ASIC2: variants seen among roughly 807,000 people sequenced by gnomAD.
ASIC2 encodes acid sensing ion channel subunit 2.
A neutral mutation model predicts 57.3 loss-of-function variants in ASIC2; 25 were observed. The ratio of observed to expected loss-of-function variants is 0.44; its 90% CI spans 0.32 to 0.61. The LOEUF (loss-of-function observed/expected upper bound fraction) is 0.61. Ranked by LOEUF, ASIC2 falls within the 20% of genes least tolerant of loss-of-function variation. The probability of loss-of-function intolerance (pLI) is 0.06; values close to 1 mark genes in which losing one functional copy is unlikely to be tolerated. For synonymous variants in ASIC2, 319 were observed against 307.5 expected (o/e 1.04, Z -0.39); for missense variants, 641 against 738.1 (o/e 0.87, Z 1.52).
At chr17:33,053,903 G>A (rs951891247) in intron 3 of ASIC2, among the ~76,000 whole-genome samples, 7 of 152,148 alleles carry the variant, frequency 4.6e-5, no homozygotes, top group Admixed American at 4.6e-4. Context: ...TGAAGCAAGC[G>A]TTTCTGATTG....
chr17:33,694,428 G>T (rs1908466432), intron 1 of ASIC2, among the ~76,000 whole-genome samples: 1 of 152,122 alleles, frequency 6.6e-6, no homozygotes, highest in African/African-American at 2.4e-5. Flanking sequence ...TTCCAGTCAG[G>T]CTGAACTTCT....
intron 1 of ASIC2, among the ~76,000 whole-genome samples, chr17:33,239,611 A>G (rs1908430044): frequency 6.6e-6 from 1 of 152,210 alleles, no homozygotes; most frequent in Non-Finnish European, 1.5e-5. Context: ...ATAAATGAGG[A>G]TTCTTAAGAT....
At chr17:34,039,112 T>G in intron 1 of ASIC2, 2 of 1,614,114 alleles carry the variant, frequency 1.2e-6, no homozygotes, top group East Asian at 4.5e-5. Flanking sequence ...CTCTAGCATC[T>G]TTTGCTGTTC....
In ASIC2 at chr17:33,291,451, C is replaced by G. The variant is rs1472123684; in HGVS notation, c.665G>C (p.Cys222Ser). 6.2e-7 allele frequency: 1 copy of G among 1,610,826 alleles called. No homozygotes were observed. The highest frequency in any genetic ancestry group is 8.5e-7 in the Non-Finnish European group (1 of 1,179,052). Residue 222 changes from cysteine to serine, a missense_variant, in exon 1 of 10, where the codon TGC (cysteine) becomes TCC (serine). Cys to Ser is a moderately radical substitution (Grantham distance 112). Around this residue, in one of 3 missense-constraint regions of ASIC2, gnomAD observed 382 missense variants for 398.0 expected, o/e 0.96. Coordinates refer to ENST00000225823, the MANE Select transcript of ASIC2 (RefSeq NM_183377.2). ...GHQLEDMLLSCKYRGELCGPH... is the reference protein window; with the variant it reads ...GHQLEDMLLSSKYRGELCGPH... The stretch of plus-strand genomic sequence containing the variant: ...CCCGCAGAGCTCGCCGCGGTACTTG[C>G]AGGAGAGCAGCATGTCCTCCAGCTG...
At chr17:33,237,768 T>C (rs1285907035) in intron 1 of ASIC2, among the ~76,000 whole-genome samples, 1 of 152,228 alleles carries the variant, frequency 6.6e-6, no homozygotes, top group African/African-American at 2.4e-5. Context: ...GGGTGGATAC[T>C]GCACTATTAG....
intron 1 of ASIC2, among the ~76,000 whole-genome samples, chr17:33,626,171 T>C (rs1272774005): frequency 1.3e-5 from 2 of 152,184 alleles, no homozygotes; most frequent in Non-Finnish European, 2.9e-5. Flanking sequence ...CTTTGTTAAC[T>C]TAAGGAGCTT....
intron 1 of ASIC2, among the ~76,000 whole-genome samples, chr17:33,855,665 G>A (rs1913905691): frequency 6.6e-6 from 1 of 151,996 alleles, no homozygotes; most frequent in African/African-American, 2.4e-5. Context: ...GATGACGATG[G>A]GGATGATAAT....
intron 1 of ASIC2, among the ~76,000 whole-genome samples, chr17:33,762,581 T>C (rs1910817617): frequency 6.6e-6 from 1 of 152,112 alleles, no homozygotes; most frequent in South Asian, 2.1e-4. Context: ...AGAGACACAG[T>C]CTATAACCAT....
At chr17:34,155,804 C>A in intron 1 of ASIC2, 3 of 691,128 alleles carry the variant, frequency 4.3e-6, no homozygotes, top group African/African-American at 1.8e-5. Context: ...TGGCCGGTAG[C>A]CTTCCCTGCA....
At chr17:33,852,377 G>C (rs867637262) in intron 1 of ASIC2, among the ~76,000 whole-genome samples, 4 of 152,198 alleles carry the variant, frequency 2.6e-5, no homozygotes, top group Middle Eastern at 3.4e-3. Context: ...TCCCCTTTCT[G>C]GTGGAGATCA....
At chr17:33,116,898 G>A (rs923799756) in intron 1 of ASIC2, among the ~76,000 whole-genome samples, 2 of 151,752 alleles carry the variant, frequency 1.3e-5, no homozygotes, top group Non-Finnish European at 1.5e-5. Context: ...CACCCAGGCT[G>A]GAATGCAGTG....
chr17:33,040,310 A>G (rs1298228064), intron 3 of ASIC2, among the ~76,000 whole-genome samples: 1 of 152,204 alleles, frequency 6.6e-6, no homozygotes, highest in Non-Finnish European at 1.5e-5. Context: ...CTGTCTGTGT[A>G]TTATTGGCTG....
At chr17:33,854,192 G>A (rs1334255403) in intron 1 of ASIC2, among the ~76,000 whole-genome samples, 5 of 152,332 alleles carry the variant, frequency 3.3e-5, no homozygotes, top group Admixed American at 2.0e-4. Flanking sequence ...ATCAACTCCA[G>A]CTGAATTTTG....
intron 1 of ASIC2, among the ~76,000 whole-genome samples, chr17:33,567,366 C>G (rs1320942613): frequency 1.3e-5 from 2 of 151,968 alleles, no homozygotes; most frequent in East Asian, 3.9e-4. Context: ...AGAAAATGGG[C>G]AGGGATTAAA....
intron 1 of ASIC2, among the ~76,000 whole-genome samples, chr17:33,628,288 C>G (rs1236563167): frequency 6.6e-6 from 1 of 151,482 alleles, no homozygotes; most frequent in Non-Finnish European, 1.5e-5. Context: ...ATCTACCTGT[C>G]TGGTCTTTTT....
At chr17:33,623,266 G>A (rs944637244) in intron 1 of ASIC2, among the ~76,000 whole-genome samples, 1 of 150,510 alleles carries the variant, frequency 6.6e-6, no homozygotes, top group Non-Finnish European at 1.5e-5. Context: ...TTGTTTGTTT[G>A]TTTGTTTGTT....
intron 1 of ASIC2, among the ~76,000 whole-genome samples, chr17:34,154,714 C>T (rs975728819): frequency 1.3e-5 from 2 of 152,204 alleles, no homozygotes; most frequent in African/African-American, 4.8e-5. Context: ...TAGACAAGTG[C>T]TGGATCACAG....
At chr17:33,296,083 T>C (rs1229058902), upstream of ASIC2, among the ~76,000 whole-genome samples, 1 of 152,102 alleles carries the variant, frequency 6.6e-6, no homozygotes, top group Non-Finnish European at 1.5e-5. Flanking sequence ...CCATCATACT[T>C]CCTTACAAAA....
At chr17:34,036,256 G>A (rs781382927) in intron 1 of ASIC2, among the ~76,000 whole-genome samples, 1 of 151,390 alleles carries the variant, frequency 6.6e-6, no homozygotes, top group African/African-American at 2.4e-5. Flanking sequence ...ATCATTCTCA[G>A]CAAGCTATCG....
Sources: gnomAD v4.1 joint callset for allele counts (sites outside exome capture counted in the v4.1 genomes callset) on GRCh38, gnomAD v4.1.1 for gene constraint, gnomAD v4.1.1 regional missense constraint, MANE v1.5 for transcripts, NCBI Gene and HGNC (gene_info 2026-07-23, HGNC 2026-07-21) for gene names.